Variants in C2CD2 observed in about 807,000 individuals in gnomAD.
C2CD2 encodes the protein C2 domain-containing protein 2.
C2CD2 carries 43 observed loss-of-function variants against 74.3 expected under a neutral mutation model. The observed-to-expected ratio is 0.58, with a 90% CI of 0.45 to 0.75. The LOEUF (loss-of-function observed/expected upper bound fraction) is 0.75, where lower values mean the gene tolerates loss of function less well. C2CD2 is among the 30% of genes least tolerant of loss of function. C2CD2 has a pLI of 0.00. For synonymous variants in C2CD2, 422 were observed against 390.7 expected, an observed-to-expected ratio of 1.08 and a Z score of -0.94; for missense variants, 801 against 916.3, an observed-to-expected ratio of 0.87 and a Z score of 1.63.
Position 41,905,748 on chromosome 21 carries a change from T to C in C2CD2, c.1408A>G (p.Lys470Glu), listed in dbSNP as rs1428926038. The C allele has an allele frequency of 6.2e-7, 1 of 1,607,792 alleles. No homozygotes were observed. Among genetic ancestry groups the C allele is most frequent in the East Asian group, 2.2e-5 (1 of 44,854 alleles). Residue 470 changes from lysine to glutamate, a missense_variant, in exon 11 of 14, where the codon AAA (lysine) becomes GAA (glutamate). By Grantham distance (56) the Lys-to-Glu change is moderately conservative. Coordinates refer to ENST00000380486, the MANE Select transcript of C2CD2 (RefSeq NM_015500.2). Reference sequence around the variant, plus strand: ...CCTGTGTCTGAAGAAGAGAGTGTTTTGCTGACGGGGGCGCTGCGGCAGGCG... The same window carrying C: ...CCTGTGTCTGAAGAAGAGAGTGTTTCGCTGACGGGGGCGCTGCGGCAGGCG... Reference protein sequence around the residue: ...AIACRSAPVSKTLSSSDTELL... With the variant: ...AIACRSAPVSETLSSSDTELL...
chr21:41,916,433 A>G (rs188404436), intron 5 of C2CD2, among the ~76,000 whole-genome samples: 7,425 of 139,900 alleles, frequency 0.053, 249 homozygotes, highest in South Asian at 0.13. Flanking sequence ...AAACTCCTTC[A>G]CTGCTTGAGC....
intron 2 of C2CD2, among the ~76,000 whole-genome samples, chr21:41,941,342 C>A (rs1239026283): frequency 6.6e-6 from 1 of 152,002 alleles, no homozygotes; most frequent in Non-Finnish European, 1.5e-5. Context: ...GGCAACAGAG[C>A]GAGATCCCAT....
In C2CD2 at chr21:41,901,696, G is replaced by A; in HGVS notation, c.1486C>T (p.Leu496Phe). The change falls in exon 12 of 14, where the codon CTC (leucine) becomes TTC (phenylalanine). Residue 496 changes from leucine (L) to phenylalanine (F), a missense_variant. Physicochemically the swap from Leu to Phe is conservative, Grantham distance 22 (BLOSUM62 0). Coordinates refer to ENST00000380486, the MANE Select transcript of C2CD2 (RefSeq NM_015500.2). ...AGTTTCAGCTTTGAAGATTCACTGA[G>A]CTGTCGAATGGCCACTTCAGCCACT... is the stretch of plus-strand genomic sequence containing the variant. The part of the protein sequence containing the change: ...DPVAEVAIRQ[L>F]SESSKLKLKS... 6.2e-7 allele frequency: 1 copy of A among 1,613,742 alleles called. No individual in the cohort carries two copies. The highest frequency in any genetic ancestry group is 8.5e-7 in the Non-Finnish European group (1 of 1,179,622).
intron 1 of C2CD2, among the ~76,000 whole-genome samples, chr21:41,950,628 C>G (rs76574080): frequency 0.099 from 15,013 of 152,230 alleles, 2,294 homozygotes; most frequent in African/African-American, 0.33. Flanking sequence ...TTTAGGTCTC[C>G]AAGTTGATAC....
In C2CD2 at chr21:41,953,606, A is replaced by T; in HGVS notation, c.43T>A (p.Trp15Arg). Reference sequence around the variant, plus strand: ...ACGAAGAGCGACACCAGCGCGAGCCACTGCGCCTCCCCGAGCCACGAGCCC... The same window carrying T: ...ACGAAGAGCGACACCAGCGCGAGCCTCTGCGCCTCCCCGAGCCACGAGCCC... ...RLGSWLGEAQWLALVSLFVAA... is the reference protein window; with the variant it reads ...RLGSWLGEAQRLALVSLFVAA... Residue 15 changes from tryptophan (W) to arginine (R), a missense_variant, in exon 1 of 14, where the codon TGG becomes AGG. Transcript: ENST00000380486. 1 of 1,494,518 alleles carries T rather than the reference A, an allele frequency of 6.7e-7. No individual in the cohort carries two copies. Among genetic ancestry groups the T allele is most frequent in the East Asian group, 2.9e-5 (1 of 34,628 alleles). The allele number at this position is 1,494,518 out of a possible 1,614,324, so 92.6% of individuals were successfully genotyped here.
intron 7 of C2CD2, among the ~76,000 whole-genome samples, chr21:41,911,547 A>G (rs1219842362): frequency 1.3e-5 from 2 of 151,946 alleles, no homozygotes; most frequent in African/African-American, 2.4e-5. Flanking sequence ...ACCTGCCACC[A>G]TGTCTGGCTA....
intron 1 of C2CD2, among the ~76,000 whole-genome samples, chr21:41,951,278 C>T (rs995665123): frequency 3.9e-5 from 6 of 152,158 alleles, no homozygotes; most frequent in African/African-American, 1.4e-4. Context: ...AGCCCAGTCA[C>T]CCAGATCCTA....
intron 2 of C2CD2, among the ~76,000 whole-genome samples, chr21:41,940,577 G>T (rs2065346427): frequency 6.6e-6 from 1 of 152,122 alleles, no homozygotes; most frequent in Non-Finnish European, 1.5e-5. Context: ...AGCAACACAG[G>T]TAACATATAA....
At chr21:41,943,190 T>C (rs1270193052) in intron 1 of C2CD2, among the ~76,000 whole-genome samples, 1 of 151,936 alleles carries the variant, frequency 6.6e-6, no homozygotes, top group Non-Finnish European at 1.5e-5. Flanking sequence ...TCCCAGCTAC[T>C]CAGGAAGCTG....
intron 1 of C2CD2, among the ~76,000 whole-genome samples, chr21:41,946,718 A>G (rs2065400625): frequency 6.6e-6 from 1 of 152,198 alleles, no homozygotes; most frequent in African/African-American, 2.4e-5. Flanking sequence ...CCCCAGCAGA[A>G]GTCACCTTAA....
At position 41,930,134 on chromosome 21, in the gene C2CD2, GGA is replaced by G. The variant is rs1414229973; in HGVS notation, c.379-8051_379-8050del. The stretch of plus-strand genomic sequence containing the variant: ...TGTAACAGCCGAAACTCTTCCGGTG[GGA>G]GAGAGTTTCATCATGGGCACACTCT... On this transcript the variant is annotated intron_variant, in intron 2 of 13. Transcript: ENST00000380486. 1.9e-4 allele frequency among the ~76,000 whole-genome samples: 29 copies of G among 149,270 alleles called. 1 individual carries two copies. Among genetic ancestry groups the G allele is most frequent in the African/African-American group, 6.6e-4 (27 of 41,168 alleles).
In C2CD2 at chr21:41,923,011, T is replaced by C. The variant is rs2065172173; in HGVS notation, c.379-926A>G. 6.6e-6 allele frequency among the ~76,000 whole-genome samples: 1 copy of C among 151,798 alleles called. No homozygotes were observed. Among genetic ancestry groups the C allele is most frequent in the Admixed American group, 6.6e-5 (1 of 15,242 alleles). ...TACAGTCTTTTTCCTTTTTTTTTTT[T>C]TGGAGATGGAGTTTCACTCTGTCGC... On this transcript the variant is annotated intron_variant, in intron 2 of 13. Transcript: ENST00000380486. This position sits in a 1 kb window ranked among gnomAD's most constrained non-coding sequence, Gnocchi z 5.8.
intron 1 of C2CD2, among the ~76,000 whole-genome samples, chr21:41,948,711 G>A (rs1192410025): frequency 6.6e-6 from 1 of 152,060 alleles, no homozygotes; most frequent in East Asian, 1.9e-4. Context: ...CACAGCCACT[G>A]TCATTGGTCA....
intron 2 of C2CD2, among the ~76,000 whole-genome samples, chr21:41,937,555 A>G (rs971993979): frequency 6.6e-6 from 1 of 152,246 alleles, no homozygotes; most frequent in Non-Finnish European, 1.5e-5. Flanking sequence ...TGGAGTCAAA[A>G]GTTATATACG....
chr21:41,893,542 CCT>C (rs1173566243), intron 13 of C2CD2, among the ~76,000 whole-genome samples: 1 of 151,828 alleles, frequency 6.6e-6, no homozygotes, highest in Admixed American at 6.6e-5. Flanking sequence ...CTGTCCATAC[CCT>C]GAGGGACTAA....
intron 1 of C2CD2, among the ~76,000 whole-genome samples, chr21:41,943,465 C>T (rs140767643): frequency 2.4e-3 from 362 of 152,252 alleles, no homozygotes; most frequent in African/African-American, 8.4e-3. Context: ...CAACACAATC[C>T]CAGATCGAAA....
At chr21:41,936,769 T>TAATG (rs1227569588) in intron 2 of C2CD2, among the ~76,000 whole-genome samples, 1 of 151,850 alleles carries the variant, frequency 6.6e-6, no homozygotes, top group Non-Finnish European at 1.5e-5. Flanking sequence ...CACTTCCACT[T>TAATG]AATGAATGGT....
At chr21:41,912,109 A>T (rs996051391) in intron 7 of C2CD2, 44 of 489,120 alleles carry the variant, frequency 9.0e-5, no homozygotes, top group Admixed American at 1.8e-4. Flanking sequence ...GCTCCCTCTC[A>T]TCATATCAGG....
intron 2 of C2CD2, among the ~76,000 whole-genome samples, chr21:41,935,860 C>T (rs1287659440): frequency 1.3e-5 from 2 of 152,000 alleles, no homozygotes; most frequent in Admixed American, 6.6e-5. Flanking sequence ...AAAGTCCTGA[C>T]ACCTTGAATG....
Sources: allele counts gnomAD v4.1 joint callset (sites outside exome capture counted in the v4.1 genomes callset), GRCh38; gene constraint gnomAD v4.1.1; non-coding constraint Gnocchi (gnomAD v3.1); transcripts MANE v1.5; gene names NCBI Gene and HGNC (gene_info 2026-07-23, HGNC 2026-07-21).